Variants in DNAH10 observed in about 807,000 individuals in gnomAD.
DNAH10 encodes dynein axonemal heavy chain 10, also known as axonemal beta dynein heavy chain 10.
DNAH10 carries 348 observed loss-of-function variants against 506.6 expected under a neutral mutation model. The ratio of observed to expected loss-of-function variants is 0.69; its 90% CI spans 0.63 to 0.75. DNAH10 has a LOEUF of 0.75. Among genes scored for constraint, DNAH10 ranks in the 30% least tolerant of loss-of-function variants. The probability of loss-of-function intolerance (pLI) is 0.00; values close to 1 mark genes in which losing one functional copy is unlikely to be tolerated. For missense variants in DNAH10, 5,179 were observed against 5,787.1 expected (o/e 0.89, Z 3.41); for synonymous variants, 2,059 against 2,198.6 (o/e 0.94, Z 1.78).
rs1003734109 is a variant in DNAH10 at position 123,810,671 on chromosome 12, C to T, written c.3144+1718C>T. ...TCGCACCACTGCACTCCAGCCTGGG[C>T]GACAGGGTGAGACTCCGTCTCAAAA... On this transcript the variant is annotated intron_variant, in intron 19 of 78. Coordinates refer to ENST00000673944, the MANE Select transcript of DNAH10 (RefSeq NM_001372106.1). Among the ~76,000 whole-genome samples, 13 of 151,332 alleles carry T rather than the reference C, an allele frequency of 8.6e-5. 1 individual carries two copies. Among genetic ancestry groups the T allele is most frequent in the African/African-American group, 2.9e-4 (12 of 41,182 alleles).
intron 34 of DNAH10, 101 bp downstream of exon 34, chr12:123,848,983 C>A: frequency 7.3e-7 from 1 of 1,375,142 alleles, no homozygotes; most frequent in South Asian, 1.3e-5. Context: ...GTTGACACTC[C>A]AGACCAGGCT....
intron 5 of DNAH10, among the ~76,000 whole-genome samples, chr12:123,780,516 ACAG>A (rs1015431558): frequency 6.6e-6 from 1 of 152,000 alleles, no homozygotes; most frequent in African/African-American, 2.4e-5. Context: ...TACAGAAATA[ACAG>A]CACTGTTTTT....
intron 5 of DNAH10, among the ~76,000 whole-genome samples, chr12:123,778,337 C>T (rs1284502467): frequency 1.3e-5 from 2 of 152,166 alleles, no homozygotes; most frequent in African/African-American, 4.8e-5. Context: ...CTCATGCCAG[C>T]CACAGATGGG....
Position 123,926,390 on chromosome 12 carries a change from C to T in DNAH10, c.11922-247C>T, listed in dbSNP as rs1594401389. 6.3e-6 allele frequency: 3 copies of T among 475,482 alleles called. No homozygotes were observed. Among genetic ancestry groups the T allele is most frequent in the African/African-American group, 2.0e-5 (1 of 49,892 alleles). The allele number at this position is 475,482 out of a possible 1,614,324, so 29.5% of individuals were successfully genotyped here. On this transcript the variant is annotated intron_variant, in intron 68 of 78. Transcript: ENST00000673944. The surrounding 1 kb of genome is among the most constrained non-coding windows in gnomAD (Gnocchi z 4.1). Reference sequence around the variant, plus strand: ...AGAGGGCAAGCTGAGGTGCCCAGCTCAGCACAAACCAACTGAATCGAGTGT... The same window carrying T: ...AGAGGGCAAGCTGAGGTGCCCAGCTTAGCACAAACCAACTGAATCGAGTGT...
chr12:123,771,586 A>G lies in DNAH10; in HGVS notation c.299-15A>G. 6.2e-7 allele frequency: 1 copy of G among 1,609,204 alleles called. No individual in the cohort carries two copies. ...TTTCTGATTATTTTCTCTTAAACTG[A>G]TTGCTGTTTTGCAGCTAAGCGTGTG... On this transcript the variant is annotated splice_polypyrimidine_tract_variant and intron_variant, in intron 2 of 78. Coordinates refer to ENST00000673944, the MANE Select transcript of DNAH10 (RefSeq NM_001372106.1).
intron 46 of DNAH10, among the ~76,000 whole-genome samples, chr12:123,875,030 G>A (rs965571631): frequency 2.0e-5 from 3 of 152,108 alleles, no homozygotes; most frequent in Non-Finnish European, 4.4e-5. Flanking sequence ...CTGTAGTATC[G>A]TAAGGGAGAC....
At chr12:123,848,633 CATTGTTTG>C in intron 33 of DNAH10, 89 bp from the exon 34 acceptor site, 1 of 1,484,646 alleles carries the variant, frequency 6.7e-7, no homozygotes, top group East Asian at 2.4e-5. Flanking sequence ...TCAGTGATCT[CATTGTTTG>C]CTTTAATTTA....
chr12:123,863,242 A>G (rs1951679079), intron 39 of DNAH10, among the ~76,000 whole-genome samples: 1 of 152,180 alleles, frequency 6.6e-6, no homozygotes, highest in South Asian at 2.1e-4. Context: ...TATAGCCACA[A>G]AATGGAACCA....
intron 5 of DNAH10, among the ~76,000 whole-genome samples, chr12:123,776,094 C>T (rs534919037): frequency 3.7e-4 from 56 of 152,270 alleles, no homozygotes; most frequent in African/African-American, 1.3e-3. Flanking sequence ...TCAATTACCT[C>T]CCACCAGGTC....
At chr12:123,812,390 G>A (rs937714589) in intron 19 of DNAH10, among the ~76,000 whole-genome samples, 3 of 152,138 alleles carry the variant, frequency 2.0e-5, no homozygotes, top group African/African-American at 7.2e-5. Flanking sequence ...GGCAGAGCTT[G>A]CAGTGAGCTG....
At position 123,866,052 on chromosome 12, in the gene DNAH10, G is replaced by A. The variant is rs1434717733; in HGVS notation, c.7146G>A (p.Trp2382Ter). 3 of 1,608,120 alleles carry A rather than the reference G, an allele frequency of 1.9e-6. No individual in the cohort carries two copies. The highest frequency in any genetic ancestry group is 1.7e-5 in the Admixed American group (1 of 58,498). ...AATATCGACCATACTGGAAAAAATGGGTTAATCAAATACCAAACAAGGTGA... is the reference window on the plus strand; with the variant it reads ...AATATCGACCATACTGGAAAAAATGAGTTAATCAAATACCAAACAAGGTGA... ...NLKYRPYWKK[W>*]VNQIPNKVEQ... Residue 2382 changes from tryptophan (W) to a stop codon, truncating the protein, a stop_gained, in exon 41 of 79, where the codon TGG (tryptophan) becomes TGA (stop). Transcript: ENST00000673944. LOFTEE classifies it high-confidence loss of function.
At chr12:123,815,556 G>C (rs115107721) in intron 21 of DNAH10, among the ~76,000 whole-genome samples, 1 of 152,142 alleles carries the variant, frequency 6.6e-6, no homozygotes, top group African/African-American at 2.4e-5. Context: ...CTGGATGAAA[G>C]GGGAGGTAGG....
intron 65 of DNAH10, among the ~76,000 whole-genome samples, chr12:123,920,153 C>T (rs1020661168): frequency 6.6e-6 from 1 of 152,192 alleles, no homozygotes; most frequent in Admixed American, 6.5e-5. Flanking sequence ...GTCTGCACAG[C>T]CCTCACCTGG....
chr12:123,877,952 T>G, intron 48 of DNAH10, 44 bp downstream of exon 48: 1 of 1,585,374 alleles, frequency 6.3e-7, no homozygotes. Context: ...ACAGGTATGA[T>G]AGTTTTCTTA....
Position 123,909,569 on chromosome 12 carries a change from G to T in DNAH10, c.9997+127G>T. ...CCTCCCCTTCTGGTCAGATGGTATC[G>T]GATGGAACAGGCAACTGATGGTCAC... On this transcript the variant is annotated intron_variant, in intron 58 of 78. Transcript: ENST00000673944. The surrounding 1 kb of genome is among the most constrained non-coding windows in gnomAD (Gnocchi z 5.4). 12 of 1,203,650 alleles carry T rather than the reference G, an allele frequency of 1.0e-5. 1 individual carries two copies. The highest frequency in any genetic ancestry group is 1.4e-5 in the Non-Finnish European group (12 of 885,600). 74.6% of individuals were successfully genotyped at this position (1,203,650 alleles called of 1,614,324 possible).
Position 123,790,783 on chromosome 12 carries a change from A to G in DNAH10, c.1815+662A>G, listed in dbSNP as rs117132189. 8.6e-3 allele frequency among the ~76,000 whole-genome samples: 1,305 copies of G among 152,334 alleles called. 10 individuals are homozygous for G. The highest frequency in any genetic ancestry group is 0.014 in the Middle Eastern group (4 of 294). On this transcript the variant is annotated intron_variant, in intron 11 of 78. Transcript: ENST00000673944. The stretch of plus-strand genomic sequence containing the variant: ...AGGAGTGAGGAAGGAGACTTACTTC[A>G]GTAGGCAAGAGGGTGCCATTGAAGG...
intron 41 of DNAH10, 77 bp downstream of exon 41, chr12:123,866,150 T>C (rs1951795619): frequency 7.4e-7 from 1 of 1,355,986 alleles, no homozygotes; most frequent in Non-Finnish European, 9.7e-7. Flanking sequence ...AGAGGGATGT[T>C]TGTAGTTGAA....
chr12:123,895,383 A>G (rs898611898), intron 54 of DNAH10, among the ~76,000 whole-genome samples: 2 of 152,218 alleles, frequency 1.3e-5, no homozygotes, highest in African/African-American at 4.8e-5. Context: ...CTAAATCTGT[A>G]CTCAATAATA....
chr12:123,774,011 G>A lies in DNAH10; in HGVS notation c.506-138G>A, dbSNP rs143756331. 9.2e-5 allele frequency: 58 copies of A among 627,928 alleles called. No individual in the cohort carries two copies. The Middle Eastern group carries it at 1.0e-3, about 11-fold the overall frequency. The allele number at this position is 627,928 out of a possible 1,614,324, so 38.9% of individuals were successfully genotyped here. A position where few individuals can be genotyped will look rare whatever the true frequency, so the allele number is the denominator to read the frequency against. ...CCTCAGATTTGTTTAAACACAAATAGGGGATATTCTGAATCTGTAACCAGA... is the reference window on the plus strand; with the variant it reads ...CCTCAGATTTGTTTAAACACAAATAAGGGATATTCTGAATCTGTAACCAGA... On this transcript the variant is annotated intron_variant, in intron 4 of 78. Transcript: ENST00000673944.
Sources: allele counts gnomAD v4.1 joint callset (sites outside exome capture counted in the v4.1 genomes callset), GRCh38; gene constraint gnomAD v4.1.1; non-coding constraint Gnocchi (gnomAD v3.1); transcripts MANE v1.5; gene names NCBI Gene and HGNC (gene_info 2026-07-23, HGNC 2026-07-21).